The following SH3D19 variants were observed in gnomAD, a reference collection of about 807,000 sequenced individuals.
SH3D19 encodes the protein SH3 domain-containing protein 19.
SH3D19 carries 58 observed loss-of-function variants against 112.1 expected under a neutral mutation model. The observed-to-expected ratio is 0.52, with a 90% CI of 0.42 to 0.64. SH3D19 has a LOEUF of 0.64. SH3D19 is among the 30% of genes least tolerant of loss of function. The probability of loss-of-function intolerance (pLI) is 0.00; values close to 1 mark genes in which losing one functional copy is unlikely to be tolerated. For missense variants in SH3D19, 1,090 were observed against 1,263.4 expected, an observed-to-expected ratio of 0.86 and a Z score of 2.08; for synonymous variants, 391 against 448.5, an observed-to-expected ratio of 0.87 and a Z score of 1.62.
At chr4:151,147,359 C>T (rs1031145137) in intron 11 of SH3D19, among the ~76,000 whole-genome samples, 1 of 152,200 alleles carries the variant, frequency 6.6e-6, no homozygotes, top group African/African-American at 2.4e-5. Context: ...TTCAGAATTT[C>T]TGTTTGGTCC....
chr4:151,134,669 C>A (rs903549249), intron 15 of SH3D19, among the ~76,000 whole-genome samples: 2 of 152,212 alleles, frequency 1.3e-5, no homozygotes, highest in Non-Finnish European at 2.9e-5. Context: ...ACTGTCTTTG[C>A]TGCTTTCTTT....
Position 151,143,914 on chromosome 4 carries a change from G to T in SH3D19, c.2219C>A (p.Pro740Gln), listed in dbSNP as rs781628363. The T allele has an allele frequency of 1.2e-6, 2 of 1,612,246 alleles. No homozygotes were observed. The highest frequency in any genetic ancestry group is 3.4e-5 in the Admixed American group (2 of 59,606). ...TPLDEHLRSR[P>Q]NDPSHAQKPV... is the part of the protein sequence containing the mutation. Reference sequence around the variant, plus strand: ...GTAACAATATTAATTCCTTACGTTTGGTCTGCTTCTAAGATGTTCATCAAG... The same window carrying T: ...GTAACAATATTAATTCCTTACGTTTTGTCTGCTTCTAAGATGTTCATCAAG... The change falls in exon 12 of 20, where the codon CCA becomes CAA. Residue 740 changes from proline to glutamine, a missense_variant. Physicochemically the swap from Pro to Gln is moderately conservative, Grantham distance 76. Coordinates refer to ENST00000604030, the MANE Select transcript of SH3D19 (RefSeq NM_001378122.1).
chr4:151,287,829 G>A (rs1774960897), intron 1 of SH3D19, among the ~76,000 whole-genome samples: 1 of 152,156 alleles, frequency 6.6e-6, no homozygotes, highest in Non-Finnish European at 1.5e-5. Flanking sequence ...ACAGTGAGCA[G>A]TGTTTGTGCC....
At chr4:151,263,949 G>C (rs1475397482) in intron 1 of SH3D19, among the ~76,000 whole-genome samples, 1 of 152,118 alleles carries the variant, frequency 6.6e-6, no homozygotes, top group Non-Finnish European at 1.5e-5. Context: ...TGAGACCACA[G>C]GTACACACCA....
At chr4:151,188,215 C>A (rs1005249294) in intron 2 of SH3D19, among the ~76,000 whole-genome samples, 2 of 152,132 alleles carry the variant, frequency 1.3e-5, no homozygotes, top group Non-Finnish European at 2.9e-5. Context: ...TAAGACAATA[C>A]TATTGTGTTA....
intron 9 of SH3D19, among the ~76,000 whole-genome samples, chr4:151,150,133 C>T (rs1436861374): frequency 4.0e-5 from 5 of 123,482 alleles, no homozygotes; most frequent in Admixed American, 1.1e-4. Context: ...TGCAGTGAGC[C>T]GAGATCATGC....
intron 1 of SH3D19, among the ~76,000 whole-genome samples, chr4:151,255,167 G>A (rs1394095200): frequency 6.7e-5 from 10 of 149,802 alleles, no homozygotes; most frequent in South Asian, 4.3e-4. Context: ...GCTGCCGGGC[G>A]GAGACGCTCC....
In SH3D19 at chr4:151,161,952, C is replaced by G. The variant is rs541201050; in HGVS notation, c.1643-2600G>C. Among the ~76,000 whole-genome samples, 65 of 150,454 alleles carry G rather than the reference C, an allele frequency of 4.3e-4. No homozygotes were observed. In the South Asian group the frequency reaches 0.013, roughly 30 times the overall value. The stretch of plus-strand genomic sequence containing the variant: ...GCTAAATTCTTTTTTTTTAATTGAG[C>G]CTTTATTTTTATGTATTCATTTTTT... On this transcript the variant is annotated intron_variant, in intron 8 of 19. Transcript: ENST00000604030.
chr4:151,172,910 C>A (rs1759326434), intron 7 of SH3D19, among the ~76,000 whole-genome samples: 1 of 152,140 alleles, frequency 6.6e-6, no homozygotes, highest in Non-Finnish European at 1.5e-5. Context: ...AGTATAACCC[C>A]ATAGTCCAGA....
At chr4:151,223,746 T>C (rs1768485720) in intron 2 of SH3D19, among the ~76,000 whole-genome samples, 1 of 152,010 alleles carries the variant, frequency 6.6e-6, no homozygotes, top group Non-Finnish European at 1.5e-5. Context: ...TATCTTACTC[T>C]TTTTTTTCAT....
rs543996004 is a variant in SH3D19, at chr4:151,277,043, A to C, written c.112+48198T>G. The C allele has an allele frequency of 3.8e-4, 223 of 592,214 alleles. No individual in the cohort carries two copies. The African/African-American group carries it at 3.9e-3, about 10-fold the overall frequency. 36.7% of individuals were successfully genotyped at this position (592,214 alleles called of 1,614,324 possible). A position where few individuals can be genotyped will look rare whatever the true frequency, so the allele number is the denominator to read the frequency against. On this transcript the variant is annotated intron_variant, in intron 1 of 19. Coordinates refer to ENST00000604030, the MANE Select transcript of SH3D19 (RefSeq NM_001378122.1). ...CAGGATCTGGCAGCGGGTGAAGACC[A>C]AAGGAGAGGAGGGGGTGAAGCAGAG...
At chr4:151,251,508 C>T (rs1002658014) in intron 1 of SH3D19, among the ~76,000 whole-genome samples, 5 of 152,146 alleles carry the variant, frequency 3.3e-5, no homozygotes, top group African/African-American at 9.7e-5. Flanking sequence ...CCCATTTGTT[C>T]TTTCTTGAAC....
intron 3 of SH3D19, among the ~76,000 whole-genome samples, chr4:151,181,298 C>A (rs892416607): frequency 3.9e-5 from 6 of 152,024 alleles, no homozygotes; most frequent in Non-Finnish European, 8.8e-5. Context: ...TCTCTCTGAA[C>A]AAGGAGGCTG....
chr4:151,282,098 T>C, intron 1 of SH3D19: 1 of 1,599,176 alleles, frequency 6.3e-7, no homozygotes, highest in Non-Finnish European at 8.5e-7. Flanking sequence ...AGGCAGCCTG[T>C]TCTGACCCAG....
chr4:151,169,804 C>A (rs1384475789), intron 7 of SH3D19, among the ~76,000 whole-genome samples: 2 of 152,146 alleles, frequency 1.3e-5, no homozygotes, highest in Non-Finnish European at 2.9e-5. Context: ...CAGAAGTGAA[C>A]ATGCTTATGA....
intron 19 of SH3D19, among the ~76,000 whole-genome samples, chr4:151,125,010 A>G (rs1748875480): frequency 6.6e-6 from 1 of 152,140 alleles, no homozygotes; most frequent in Non-Finnish European, 1.5e-5. Flanking sequence ...GATAAACGGG[A>G]TACATTTTGA....
At chr4:151,244,244 C>T (rs1305527228) in intron 1 of SH3D19, among the ~76,000 whole-genome samples, 2 of 151,886 alleles carry the variant, frequency 1.3e-5, no homozygotes, top group Non-Finnish European at 2.9e-5. Context: ...CAAAAAAACC[C>T]AACCCTGCTT....
intron 9 of SH3D19, 81 bp downstream of exon 9, chr4:151,159,159 A>G: frequency 1.3e-6 from 1 of 759,412 alleles, no homozygotes; most frequent in Non-Finnish European, 2.0e-6. Context: ...CAGTAATAAA[A>G]TAATTTAGAT....
At chr4:151,307,015 TTC>T (rs1338545682) in intron 1 of SH3D19, among the ~76,000 whole-genome samples, 6 of 127,110 alleles carry the variant, frequency 4.7e-5, no homozygotes, top group African/African-American at 1.6e-4. Flanking sequence ...TAATGATGAC[TTC>T]TTTTTTTTTT....
Sources: gnomAD v4.1 joint callset for allele counts (sites outside exome capture counted in the v4.1 genomes callset) on GRCh38, gnomAD v4.1.1 for gene constraint, MANE v1.5 for transcripts, NCBI Gene and HGNC (gene_info 2026-07-23, HGNC 2026-07-21) for gene names.